Variants in COL11A1 observed in about 807,000 individuals in gnomAD.
COL11A1 encodes collagen type XI alpha 1 chain.
A neutral mutation model predicts 265.2 loss-of-function variants in COL11A1; 74 were observed. The ratio of observed to expected loss-of-function variants is 0.28; its 90% CI spans 0.23 to 0.34. COL11A1 has a LOEUF of 0.34. Among genes scored for constraint, COL11A1 ranks in the 10% least tolerant of loss-of-function variants. The probability of loss-of-function intolerance (pLI) is 1.00; values close to 1 mark genes in which losing one functional copy is unlikely to be tolerated. For synonymous variants in COL11A1, 816 were observed against 727.6 expected, an observed-to-expected ratio of 1.12 and a Z score of -1.96; for missense variants, 2,165 against 2,263.6, an observed-to-expected ratio of 0.96 and a Z score of 0.88.
chr1:103,072,519 A>T (rs1028840559), intron 4 of COL11A1, among the ~76,000 whole-genome samples: 1 of 151,796 alleles, frequency 6.6e-6, no homozygotes, highest in Non-Finnish European at 1.5e-5. Flanking sequence ...TTTAAATTCT[A>T]TGTGTTTACT....
intron 5 of COL11A1, among the ~76,000 whole-genome samples, chr1:103,026,874 T>C (rs1377801255): frequency 6.7e-6 from 1 of 150,010 alleles, no homozygotes; most frequent in Non-Finnish European, 1.5e-5. Context: ...AAGTATATAC[T>C]GTATTAAAAT....
intron 35 of COL11A1, among the ~76,000 whole-genome samples, chr1:102,976,940 A>G (rs1662550098): frequency 6.6e-6 from 1 of 152,166 alleles, no homozygotes. Flanking sequence ...TCTGCAAATT[A>G]TGATTATGAG....
intron 4 of COL11A1, among the ~76,000 whole-genome samples, chr1:103,043,184 ATG>A (rs1274748629): frequency 0.033 from 4,481 of 136,210 alleles, 107 homozygotes; most frequent in Middle Eastern, 0.095. Context: ...AATATATATA[ATG>A]TATATATGAA....
At chr1:103,091,607 T>G (rs1673329680) in intron 1 of COL11A1, among the ~76,000 whole-genome samples, 5 of 152,104 alleles carry the variant, frequency 3.3e-5, no homozygotes, top group Admixed American at 3.3e-4. Flanking sequence ...ACATGGGAAG[T>G]GTTCCACAAT....
Position 102,933,139 on chromosome 1 carries a change from C to G in COL11A1, c.3600+1310G>C, listed in dbSNP as rs1657694366. On this transcript the variant is annotated intron_variant, in intron 46 of 66. Transcript: ENST00000370096. ...GCTTTGTTCCATTGCTGGTGAGGAACTGCGTTCCTTTGGAGGAGGAGAGGT... is the reference window on the plus strand; with the variant it reads ...GCTTTGTTCCATTGCTGGTGAGGAAGTGCGTTCCTTTGGAGGAGGAGAGGT... Among the ~76,000 whole-genome samples the G allele has an allele frequency of 2.7e-5, 4 of 150,596 alleles. No homozygotes were observed. In the South Asian group the frequency reaches 8.6e-4, roughly 32 times the overall value.
chr1:103,066,573 C>T (rs950392142), intron 4 of COL11A1, among the ~76,000 whole-genome samples: 1 of 135,730 alleles, frequency 7.4e-6, no homozygotes, highest in Non-Finnish European at 1.6e-5. Flanking sequence ...AAAAAAAAGA[C>T]TGGAGGCAGG....
chr1:102,979,644 C>T (rs779888917), intron 31 of COL11A1: 5 of 644,512 alleles, frequency 7.8e-6, no homozygotes, highest in South Asian at 1.6e-5. Context: ...ATTGATAAAA[C>T]ATTTTAGTTT....
In COL11A1 at chr1:103,068,855, A is replaced by G. The variant is rs1007993959; in HGVS notation, c.651+5763T>C. On this transcript the variant is annotated intron_variant, in intron 4 of 66. Coordinates refer to ENST00000370096, the MANE Select transcript of COL11A1 (RefSeq NM_001854.4). ...ACTAAAAAAAAATACTTAGGAAAAA[A>G]TTAAATAAAAGATGTCCAAGACATT... is the stretch of plus-strand genomic sequence containing the variant. Among the ~76,000 whole-genome samples the G allele has an allele frequency of 1.4e-4, 21 of 151,518 alleles. 1 individual carries two copies. The highest frequency in any genetic ancestry group is 4.8e-4 in the African/African-American group (20 of 41,514).
chr1:102,984,268 A>T (rs532522290), intron 30 of COL11A1, 77 bp from the exon 31 acceptor site: 1 of 958,896 alleles, frequency 1.0e-6, no homozygotes, highest in Non-Finnish European at 1.6e-6. Context: ...AATTTTTTTT[A>T]AATATTAGAA....
At chr1:103,047,196 G>T (rs987472827) in intron 4 of COL11A1, among the ~76,000 whole-genome samples, 3 of 152,128 alleles carry the variant, frequency 2.0e-5, no homozygotes, top group Non-Finnish European at 4.4e-5. Flanking sequence ...ATTACCTTGG[G>T]CAGTATGGCC....
At chr1:102,879,611 TA>T in intron 66 of COL11A1, 71 bp downstream of exon 66, 1 of 1,378,952 alleles carries the variant, frequency 7.3e-7, no homozygotes, top group Non-Finnish European at 1.0e-6. Context: ...AAAATCTGGC[TA>T]AGGACCGACT....
At chr1:103,002,100 A>G (rs1665162929) in intron 23 of COL11A1, 131 bp from the exon 24 acceptor site, 1 of 802,200 alleles carries the variant, frequency 1.2e-6, no homozygotes. Context: ...ATACACCCCA[A>G]GGAATTTTAG....
At chr1:102,947,061 G>T (rs1659369746) in intron 41 of COL11A1, 105 bp from the exon 42 acceptor site, 3 of 948,962 alleles carry the variant, frequency 3.2e-6, no homozygotes, top group Non-Finnish European at 1.6e-6. Flanking sequence ...TTATGTTAAA[G>T]AAACATTTAG....
chr1:102,910,476 T>C (rs1021598543), intron 54 of COL11A1, among the ~76,000 whole-genome samples: 1 of 152,172 alleles, frequency 6.6e-6, no homozygotes, highest in Non-Finnish European at 1.5e-5. Flanking sequence ...TGCCAATATG[T>C]AATAGAATAT....
intron 30 of COL11A1, 138 bp downstream of exon 30, chr1:102,987,495 A>C: frequency 1.3e-6 from 1 of 760,226 alleles, no homozygotes; most frequent in Non-Finnish European, 2.3e-6. Context: ...TAATGGTTGC[A>C]AATTTAAAAT....
At chr1:103,067,312 A>G (rs12034468) in intron 4 of COL11A1, among the ~76,000 whole-genome samples, 2,342 of 151,976 alleles carry the variant, frequency 0.015, 50 homozygotes, top group East Asian at 0.11. Context: ...AAGACAACAG[A>G]ATTAGACACC....
intron 23 of COL11A1, 47 bp downstream of exon 23, chr1:103,002,381 C>A: frequency 6.9e-7 from 1 of 1,458,510 alleles, no homozygotes; most frequent in Non-Finnish European, 9.5e-7. Flanking sequence ...AGAAAGATAG[C>A]ATCTTCCCCC....
intron 15 of COL11A1, among the ~76,000 whole-genome samples, chr1:103,007,750 C>G (rs1665752105): frequency 6.6e-6 from 1 of 150,428 alleles, no homozygotes; most frequent in Non-Finnish European, 1.5e-5. Flanking sequence ...GTCCCAGCTA[C>G]TTGGGAGGCT....
intron 46 of COL11A1, among the ~76,000 whole-genome samples, chr1:102,924,228 C>CA (rs1350284414): frequency 6.6e-6 from 1 of 151,800 alleles, no homozygotes; most frequent in Non-Finnish European, 1.5e-5. Flanking sequence ...CTCCAAAAGA[C>CA]AAAAAAATTC....
Sources: allele counts gnomAD v4.1 joint callset (sites outside exome capture counted in the v4.1 genomes callset), GRCh38; gene constraint gnomAD v4.1.1; transcripts MANE v1.5; gene names NCBI Gene and HGNC (gene_info 2026-07-23, HGNC 2026-07-21).